PPFIA2: variants seen among roughly 807,000 people sequenced by gnomAD.
PPFIA2 encodes PPFI scaffold protein A2.
In PPFIA2, 46 loss-of-function variants were observed where a neutral mutation model predicts 175.5. The ratio of observed to expected loss-of-function variants is 0.26; its 90% CI spans 0.21 to 0.34. PPFIA2 has a LOEUF of 0.34. Ranked by LOEUF, PPFIA2 falls within the 10% of genes least tolerant of loss-of-function variation. PPFIA2 has a pLI of 1.00. For missense variants in PPFIA2, 1,179 were observed against 1,506.1 expected, an observed-to-expected ratio of 0.78 and a Z score of 3.60; for synonymous variants, 568 against 511.4, an observed-to-expected ratio of 1.11 and a Z score of -1.49.
intron 4 of PPFIA2, among the ~76,000 whole-genome samples, chr12:81,668,731 C>T (rs2070833571): frequency 6.6e-6 from 1 of 151,930 alleles, no homozygotes; most frequent in Admixed American, 6.6e-5. Context: ...ACTGATGCTG[C>T]CATTATTACA....
intron 4 of PPFIA2, among the ~76,000 whole-genome samples, chr12:81,657,651 A>G (rs572624109): frequency 1.3e-5 from 2 of 152,230 alleles, no homozygotes; most frequent in African/African-American, 2.4e-5. Context: ...TTATTTTCTA[A>G]ATAAATTTGG....
chr12:81,529,450 C>G (rs976421326), intron 4 of PPFIA2, among the ~76,000 whole-genome samples: 1 of 151,664 alleles, frequency 6.6e-6, no homozygotes, highest in African/African-American at 2.4e-5. Flanking sequence ...CAATAGTCCA[C>G]CAGGAAGAAA....
intron 17 of PPFIA2, among the ~76,000 whole-genome samples, chr12:81,348,608 T>G (rs1566336630): frequency 6.6e-6 from 1 of 151,948 alleles, no homozygotes; most frequent in Non-Finnish European, 1.5e-5. Context: ...TGGTGGTGCA[T>G]GCCTGTAATC....
intron 4 of PPFIA2, among the ~76,000 whole-genome samples, chr12:81,602,722 C>T (rs975669747): frequency 2.6e-5 from 4 of 151,628 alleles, no homozygotes; most frequent in East Asian, 1.9e-4. Flanking sequence ...TGGAGTAATG[C>T]GACACAGTTA....
chr12:81,543,137 T>C (rs2066462806), intron 4 of PPFIA2, among the ~76,000 whole-genome samples: 1 of 152,146 alleles, frequency 6.6e-6, no homozygotes, highest in Non-Finnish European at 1.5e-5. Context: ...TGACAATACC[T>C]AGAGCCTAGC....
At chr12:81,411,061 A>G (rs1036713157) in intron 7 of PPFIA2, among the ~76,000 whole-genome samples, 3 of 152,096 alleles carry the variant, frequency 2.0e-5, no homozygotes, top group African/African-American at 7.2e-5. Flanking sequence ...TGACTTGCAA[A>G]TGCAGCAGGA....
At chr12:81,520,858 T>C (rs2063033916) in intron 4 of PPFIA2, among the ~76,000 whole-genome samples, 1 of 152,098 alleles carries the variant, frequency 6.6e-6, no homozygotes, top group African/African-American at 2.4e-5. Context: ...AGAGAGTAAG[T>C]AGGCAGGATT....
At chr12:81,262,186 C>G in intron 31 of PPFIA2, 146 bp from the exon 32 acceptor site, 1 of 616,932 alleles carries the variant, frequency 1.6e-6, no homozygotes. Flanking sequence ...TCACATTCCT[C>G]TTCTCTAGAT....
At chr12:81,461,323 T>C (rs892219097) in intron 4 of PPFIA2, among the ~76,000 whole-genome samples, 1 of 152,078 alleles carries the variant, frequency 6.6e-6, no homozygotes, top group African/African-American at 2.4e-5. Context: ...TGACCCACTT[T>C]GATTCTAAAA....
At chr12:81,383,413 T>C (rs1033666424) in intron 9 of PPFIA2, among the ~76,000 whole-genome samples, 1 of 152,104 alleles carries the variant, frequency 6.6e-6, no homozygotes, top group Non-Finnish European at 1.5e-5. Context: ...TTGACAGTGT[T>C]ACAAATTAAA....
At chr12:81,276,511 G>T (rs1215977424) in intron 28 of PPFIA2, among the ~76,000 whole-genome samples, 1 of 151,862 alleles carries the variant, frequency 6.6e-6, no homozygotes, top group Admixed American at 6.6e-5. Flanking sequence ...TCTAAGAATA[G>T]AATCTAACAT....
intron 4 of PPFIA2, among the ~76,000 whole-genome samples, chr12:81,665,503 T>C (rs1189521516): frequency 6.6e-6 from 1 of 152,062 alleles, no homozygotes; most frequent in African/African-American, 2.4e-5. Flanking sequence ...TTTTTGATTA[T>C]GGAAAACTAC....
chr12:81,422,765 T>C (rs1466751061), intron 7 of PPFIA2, among the ~76,000 whole-genome samples: 1 of 151,988 alleles, frequency 6.6e-6, no homozygotes, highest in Admixed American at 6.6e-5. Context: ...AAGATGAGAT[T>C]TGGGTGGGGA....
intron 4 of PPFIA2, among the ~76,000 whole-genome samples, chr12:81,508,602 C>A (rs890820688): frequency 4.0e-5 from 5 of 125,366 alleles, no homozygotes; most frequent in African/African-American, 1.5e-4. Context: ...TTTTTTTTCT[C>A]TCTTTTTAAA....
intron 4 of PPFIA2, among the ~76,000 whole-genome samples, chr12:81,582,066 T>A (rs1388846685): frequency 6.6e-6 from 1 of 151,910 alleles, no homozygotes. Flanking sequence ...CCGCCTCATC[T>A]AGAAAATCCC....
chr12:81,728,299 T>C (rs34415838), intron 3 of PPFIA2, among the ~76,000 whole-genome samples: 26,812 of 151,256 alleles, frequency 0.18, 2,748 homozygotes, highest in Middle Eastern at 0.29. Flanking sequence ...TTTAAAATAG[T>C]CATGACTTTC....
At chr12:81,347,444 T>A in intron 18 of PPFIA2, 89 bp downstream of exon 18, 1 of 1,099,350 alleles carries the variant, frequency 9.1e-7, no homozygotes, top group South Asian at 1.3e-5. Flanking sequence ...CAGAAAGTAC[T>A]TAGACTAGAA....
chr12:81,753,645 A>G (rs2084198811), intron 3 of PPFIA2, among the ~76,000 whole-genome samples: 1 of 152,230 alleles, frequency 6.6e-6, no homozygotes, highest in African/African-American at 2.4e-5. Context: ...TTAAAAGGTA[A>G]GAAAGATAAA....
At chr12:81,754,669 C>T (rs536140764) in intron 2 of PPFIA2, among the ~76,000 whole-genome samples, 5 of 152,204 alleles carry the variant, frequency 3.3e-5, no homozygotes, top group East Asian at 1.9e-4. Flanking sequence ...TGGCATTTAA[C>T]GGGTAGGAAG....
Sources: allele counts gnomAD v4.1 joint callset (sites outside exome capture counted in the v4.1 genomes callset), GRCh38; gene constraint gnomAD v4.1.1; transcripts MANE v1.5; gene names NCBI Gene and HGNC (gene_info 2026-07-23, HGNC 2026-07-21).